SEMA3C: variants seen among roughly 807,000 people sequenced by gnomAD.
SEMA3C encodes semaphorin-3C.
A neutral mutation model predicts 89.4 loss-of-function variants in SEMA3C; 47 were observed. That is an observed-to-expected ratio of 0.53 (90% CI 0.42 to 0.67). SEMA3C has a LOEUF of 0.67. Among genes scored for constraint, SEMA3C ranks in the 30% least tolerant of loss-of-function variants. The pLI, the probability that SEMA3C is intolerant of heterozygous loss-of-function variation, is 0.00. For synonymous variants in SEMA3C, 310 were observed against 320.2 expected, an observed-to-expected ratio of 0.97 and a Z score of 0.34; for missense variants, 839 against 929.1, an observed-to-expected ratio of 0.90 and a Z score of 1.26.
At position 80,912,958 on chromosome 7, in the gene SEMA3C, A is replaced by G. The variant is rs192290960; in HGVS notation, c.103+3721T>C. Reference sequence around the variant, plus strand: ...GGGCTTAGTTCATTAGTTCACAGGGATTCTTTTATTTGTTGAGGGTGATTT... The same window carrying G: ...GGGCTTAGTTCATTAGTTCACAGGGGTTCTTTTATTTGTTGAGGGTGATTT... On this transcript the variant is annotated intron_variant, in intron 2 of 17. Coordinates refer to ENST00000265361, the MANE Select transcript of SEMA3C (RefSeq NM_006379.5). Among the ~76,000 whole-genome samples, 224 of 152,308 alleles carry G rather than the reference A, an allele frequency of 1.5e-3. 1 individual carries two copies. In the East Asian group the frequency reaches 0.021, roughly 14 times the overall value.
intron 11 of SEMA3C, among the ~76,000 whole-genome samples, chr7:80,794,128 C>A (rs1789007499): frequency 6.6e-6 from 1 of 151,936 alleles, no homozygotes; most frequent in African/African-American, 2.4e-5. Flanking sequence ...GTCCTACTAA[C>A]CCACACAGAG....
intron 13 of SEMA3C, 111 bp from the exon 14 acceptor site, chr7:80,761,768 T>C: frequency 1.7e-6 from 1 of 584,376 alleles, no homozygotes; most frequent in Non-Finnish European, 3.0e-6. Flanking sequence ...TCTTTATATA[T>C]ACATCTACTT....
At chr7:80,861,653 A>G (rs1790773973) in intron 2 of SEMA3C, among the ~76,000 whole-genome samples, 1 of 152,222 alleles carries the variant, frequency 6.6e-6, no homozygotes, top group Admixed American at 6.5e-5. Flanking sequence ...TATGATTTAA[A>G]TTGCAACATT....
chr7:80,814,194 C>T (rs1285068093), intron 5 of SEMA3C, among the ~76,000 whole-genome samples: 1 of 151,788 alleles, frequency 6.6e-6, no homozygotes, highest in Admixed American at 6.6e-5. Flanking sequence ...GGGTTCACGC[C>T]ATTCTCCTGC....
chr7:80,761,999 G>T (rs773062861), intron 13 of SEMA3C, among the ~76,000 whole-genome samples: 74 of 148,120 alleles, frequency 5.0e-4, no homozygotes, highest in Non-Finnish European at 6.4e-4. Flanking sequence ...TGAGGCAGGA[G>T]AATTGCTTGA....
intron 2 of SEMA3C, among the ~76,000 whole-genome samples, chr7:80,830,453 A>C (rs1437211673): frequency 6.6e-6 from 1 of 152,170 alleles, no homozygotes. Flanking sequence ...AAATAGATGT[A>C]TGTTTTCCTA....
intron 2 of SEMA3C, among the ~76,000 whole-genome samples, chr7:80,901,054 A>C (rs1427905480): frequency 2.0e-5 from 3 of 152,186 alleles, no homozygotes; most frequent in Non-Finnish European, 4.4e-5. Context: ...GGAGGAAATG[A>C]GTCACAGTTT....
At chr7:80,762,092 T>TAAAAA (rs547180420) in intron 13 of SEMA3C, among the ~76,000 whole-genome samples, 23 of 75,172 alleles carry the variant, frequency 3.1e-4, no homozygotes, top group Middle Eastern at 0.011. Flanking sequence ...TCCGTCTCAA[T>TAAAAA]AAAAAAAAAA....
Position 80,768,945 on chromosome 7 carries a change from A to AT in SEMA3C, c.1355-3703dup, listed in dbSNP as rs575560126. ...ATATGAGCATGTTATCATAGAAAGC[A>AT]TTTTTTTAACAAGTCTTAACAGTTT... On this transcript the variant is annotated intron_variant, in intron 12 of 17. Transcript: ENST00000265361. Among the ~76,000 whole-genome samples, 599 of 152,242 alleles carry AT rather than the reference A, an allele frequency of 3.9e-3. 2 individuals are homozygous for AT. Among genetic ancestry groups the AT allele is most frequent in the African/African-American group, 0.013 (544 of 41,532 alleles).
Position 80,906,621 on chromosome 7 carries a change from G to T in SEMA3C, c.103+10058C>A, listed in dbSNP as rs115926381. 4.6e-3 allele frequency among the ~76,000 whole-genome samples: 704 copies of T among 152,300 alleles called. 7 individuals are homozygous for T. The highest frequency in any genetic ancestry group is 0.016 in the African/African-American group (667 of 41,570). ...ATAGTATATTTTATAAGTCTCTAGT[G>T]TAGTATCTGAAATGTCTACATATAA... On this transcript the variant is annotated intron_variant, in intron 2 of 17. Transcript: ENST00000265361.
chr7:80,888,929 T>G (rs988151702), intron 2 of SEMA3C, among the ~76,000 whole-genome samples: 1 of 152,170 alleles, frequency 6.6e-6, no homozygotes, highest in Non-Finnish European at 1.5e-5. Flanking sequence ...AAGGGCGCGA[T>G]CTCTGCTCAC....
intron 4 of SEMA3C, among the ~76,000 whole-genome samples, chr7:80,818,689 T>C (rs113941183): frequency 0.026 from 3,971 of 152,244 alleles, 105 homozygotes; most frequent in Admixed American, 0.075. Context: ...AAAAATCTCA[T>C]GTTTTTAAAA....
chr7:80,795,278 G>A (rs1789034997), intron 11 of SEMA3C, among the ~76,000 whole-genome samples: 1 of 152,144 alleles, frequency 6.6e-6, no homozygotes, highest in South Asian at 2.1e-4. Flanking sequence ...CTGGTTGAAG[G>A]GTGGAGGGAC....
At chr7:80,863,846 A>ATATCACATG (rs1790846503) in intron 2 of SEMA3C, among the ~76,000 whole-genome samples, 1 of 113,426 alleles carries the variant, frequency 8.8e-6, no homozygotes, top group South Asian at 2.9e-4. Flanking sequence ...TATATATCAC[A>ATATCACATG]TATCACATAC....
In SEMA3C at chr7:80,882,404, A is replaced by G. The variant is rs536329070; in HGVS notation, c.103+34275T>C. 9.2e-5 allele frequency among the ~76,000 whole-genome samples: 13 copies of G among 140,712 alleles called. No individual in the cohort carries two copies. In the East Asian group the frequency reaches 2.7e-3, roughly 29 times the overall value. 92.3% of individuals were successfully genotyped at this position (140,712 alleles called of 152,430 possible). A position where few individuals can be genotyped will look rare whatever the true frequency, so the allele number is the denominator to read the frequency against. ...CCTCAAAATACATTCTGGAATTTGT[A>G]AGGGATGCTTTTTTTTTTTTTTTTT... On this transcript the variant is annotated intron_variant, in intron 2 of 17. Coordinates refer to ENST00000265361, the MANE Select transcript of SEMA3C (RefSeq NM_006379.5).
intron 2 of SEMA3C, among the ~76,000 whole-genome samples, chr7:80,906,326 C>T (rs927907596): frequency 4.6e-5 from 7 of 151,970 alleles, no homozygotes; most frequent in African/African-American, 1.7e-4. Flanking sequence ...ATTTGGAAAC[C>T]GAAGATGGTT....
chr7:80,880,261 T>G (rs1288308012), intron 2 of SEMA3C, among the ~76,000 whole-genome samples: 1 of 152,216 alleles, frequency 6.6e-6, no homozygotes, highest in Non-Finnish European at 1.5e-5. Flanking sequence ...CTCTGTGTTT[T>G]CTTGTCCACA....
At chr7:80,910,653 T>TA (rs1792121538) in intron 2 of SEMA3C, among the ~76,000 whole-genome samples, 2 of 145,170 alleles carry the variant, frequency 1.4e-5, no homozygotes, top group African/African-American at 5.2e-5. Context: ...CAATGCTCGT[T>TA]CTTTTTTTTT....
chr7:80,754,728 C>T (rs1329271833), intron 15 of SEMA3C, among the ~76,000 whole-genome samples: 2 of 151,964 alleles, frequency 1.3e-5, no homozygotes, highest in African/African-American at 4.8e-5. Context: ...TCAGGCTTTT[C>T]ATGACAGAAT....
Sources: gnomAD v4.1 joint callset for allele counts (sites outside exome capture counted in the v4.1 genomes callset) on GRCh38, gnomAD v4.1.1 for gene constraint, MANE v1.5 for transcripts, NCBI Gene and HGNC (gene_info 2026-07-23, HGNC 2026-07-21) for gene names.